The following HPSE2 variants were observed in gnomAD, a reference collection of about 807,000 sequenced individuals.
The protein encoded by HPSE2 is inactive heparanase-2.
A neutral mutation model predicts 60.5 loss-of-function variants in HPSE2; 38 were observed. That is an observed-to-expected ratio of 0.63 (90% CI 0.48 to 0.82). The LOEUF (loss-of-function observed/expected upper bound fraction) is 0.82. Ranked by LOEUF, HPSE2 falls within the 40% of genes least tolerant of loss-of-function variation. The pLI is 0.00. For missense variants in HPSE2, 713 were observed against 740.4 expected (o/e 0.96, Z 0.43); for synonymous variants, 295 against 293.2 (o/e 1.01, Z -0.06).
the HPSE2 span, among the ~76,000 whole-genome samples, chr10:99,298,224 G>T: frequency 5.3e-5 from 8 of 152,288 alleles, no homozygotes; most frequent in Non-Finnish European, 8.8e-5. Context: ...TATCTGTTTA[G>T]CCCATCTCTC....
the HPSE2 span, among the ~76,000 whole-genome samples, chr10:99,304,933 A>G: frequency 1.3e-5 from 2 of 152,252 alleles, no homozygotes; most frequent in Non-Finnish European, 2.9e-5. Context: ...AACTTTAGAA[A>G]AGCAGAATGG....
chr10:98,563,229 T>C (rs1944242648), intron 9 of HPSE2, among the ~76,000 whole-genome samples: 1 of 152,216 alleles, frequency 6.6e-6, no homozygotes, highest in South Asian at 2.1e-4. Context: ...AACATTATTC[T>C]ATAATAAAAA....
At chr10:98,974,847 G>A (rs190318066) in intron 3 of HPSE2, among the ~76,000 whole-genome samples, 108 of 151,992 alleles carry the variant, frequency 7.1e-4, no homozygotes, top group African/African-American at 1.8e-3. Context: ...TGTATGTAGC[G>A]GTACTAATAT....
At chr10:98,600,723 T>C (rs1945372639) in intron 9 of HPSE2, among the ~76,000 whole-genome samples, 1 of 130,736 alleles carries the variant, frequency 7.6e-6, no homozygotes, top group Admixed American at 8.7e-5. Context: ...CCTATACTAA[T>C]AGGATATATA....
intron 3 of HPSE2, among the ~76,000 whole-genome samples, chr10:99,012,061 A>G (rs1957030369): frequency 6.6e-6 from 1 of 151,896 alleles, no homozygotes; most frequent in African/African-American, 2.4e-5. Context: ...AATTCACTTT[A>G]ACTGCTTGAC....
At chr10:98,806,289 T>C (rs1249044217) in intron 3 of HPSE2, among the ~76,000 whole-genome samples, 3 of 152,066 alleles carry the variant, frequency 2.0e-5, no homozygotes, top group Non-Finnish European at 4.4e-5. Context: ...ATGAGGAAAA[T>C]GAAGTGAATT....
intron 9 of HPSE2, among the ~76,000 whole-genome samples, chr10:98,501,547 A>G (rs1184854173): frequency 1.3e-5 from 2 of 152,204 alleles, no homozygotes; most frequent in Non-Finnish European, 2.9e-5. Context: ...CAAGGGACAT[A>G]CCTCAATGTA....
At chr10:98,562,067 T>A (rs1944202876) in intron 9 of HPSE2, among the ~76,000 whole-genome samples, 1 of 112,042 alleles carries the variant, frequency 8.9e-6, no homozygotes, top group South Asian at 3.9e-4. Flanking sequence ...GTACCATTTT[T>A]TAATCTTTTA....
At chr10:98,480,780 G>C (rs1240919201) in intron 11 of HPSE2, among the ~76,000 whole-genome samples, 1 of 152,134 alleles carries the variant, frequency 6.6e-6, no homozygotes, top group Non-Finnish European at 1.5e-5. Context: ...ATTCCTCTTT[G>C]GAAGAACATT....
chr10:98,852,114 TGTGTGTGTG>T (rs1952190328), intron 3 of HPSE2, among the ~76,000 whole-genome samples: 1 of 46,602 alleles, frequency 2.1e-5, no homozygotes, highest in Non-Finnish European at 4.4e-5. Flanking sequence ...TATATTATGA[TGTGTGTGTG>T]TGTGTGTGTG....
rs200710993 is a variant in HPSE2, at chr10:99,120,407, A to T, written c.610+23831T>A. The stretch of plus-strand genomic sequence containing the variant: ...AAGATACCATTTCAAAGATAATAAC[A>T]GTCAGCATCTGTTCTCCATATCCTC... On this transcript the variant is annotated intron_variant, in intron 3 of 11. Transcript: ENST00000370552. Among the ~76,000 whole-genome samples, 3 of 152,192 alleles carry T rather than the reference A, an allele frequency of 2.0e-5. No homozygotes were observed. In the East Asian group the frequency reaches 5.8e-4, roughly 29 times the overall value.
chr10:98,700,038 A>T (rs1948357591), intron 5 of HPSE2, among the ~76,000 whole-genome samples: 1 of 151,780 alleles, frequency 6.6e-6, no homozygotes, highest in South Asian at 2.1e-4. Flanking sequence ...GGGTAGGAAG[A>T]ATCGATATCA....
intron 3 of HPSE2, among the ~76,000 whole-genome samples, chr10:99,021,516 G>C (rs552203820): frequency 3.3e-5 from 5 of 152,126 alleles, no homozygotes; most frequent in Admixed American, 2.6e-4. Flanking sequence ...ACAAGATATA[G>C]AGCGTCTCGC....
At chr10:98,610,101 A>G (rs896255203) in intron 9 of HPSE2, among the ~76,000 whole-genome samples, 1 of 152,060 alleles carries the variant, frequency 6.6e-6, no homozygotes, top group African/African-American at 2.4e-5. Flanking sequence ...TTGGCCTCCT[A>G]AAGTGCTGGG....
chr10:98,949,192 CAAT>C (rs1236175165), intron 3 of HPSE2, among the ~76,000 whole-genome samples: 2 of 152,044 alleles, frequency 1.3e-5, no homozygotes, highest in Middle Eastern at 3.4e-3. Flanking sequence ...TTGTTTCTAA[CAAT>C]AATCCTTTAA....
intron 3 of HPSE2, among the ~76,000 whole-genome samples, chr10:98,929,376 T>G (rs1395127442): frequency 6.9e-6 from 1 of 144,306 alleles, no homozygotes. Context: ...ATAAAAATTT[T>G]AAAACTCTAG....
intron 6 of HPSE2, among the ~76,000 whole-genome samples, chr10:98,648,792 AAAGT>A (rs1349462092): frequency 5.3e-5 from 8 of 152,268 alleles, no homozygotes; most frequent in East Asian, 1.9e-4. Flanking sequence ...AATAGATACA[AAAGT>A]AAGTATTTAT....
intron 3 of HPSE2, among the ~76,000 whole-genome samples, chr10:98,839,092 G>A (rs1399178654): frequency 6.6e-6 from 1 of 152,172 alleles, no homozygotes; most frequent in African/African-American, 2.4e-5. Flanking sequence ...TGTAGGTAAT[G>A]AGCCATATAA....
At chr10:98,838,618 G>A (rs568055922) in intron 3 of HPSE2, among the ~76,000 whole-genome samples, 46 of 150,698 alleles carry the variant, frequency 3.1e-4, no homozygotes, top group Non-Finnish European at 5.3e-4. Context: ...TTTTTTTAGA[G>A]ATGGGGTCTC....
Sources: gnomAD v4.1 joint callset for allele counts (sites outside exome capture counted in the v4.1 genomes callset) on GRCh38, gnomAD v4.1.1 for gene constraint, MANE v1.5 for transcripts, NCBI Gene and HGNC (gene_info 2026-07-23, HGNC 2026-07-21) for gene names.